Variants in FBLN5 observed in about 807,000 individuals in gnomAD.
The protein encoded by FBLN5 is fibulin-5.
FBLN5 carries 24 observed loss-of-function variants against 61.6 expected under a neutral mutation model. That is an observed-to-expected ratio of 0.39 (90% CI 0.28 to 0.55). The LOEUF (loss-of-function observed/expected upper bound fraction) is 0.55. FBLN5 is among the 20% of genes least tolerant of loss of function. The pLI is 0.65. For missense variants in FBLN5, 470 were observed against 594.1 expected (o/e 0.79, Z 2.17); for synonymous variants, 213 against 219.8 (o/e 0.97, Z 0.27).
intron 4 of FBLN5, among the ~76,000 whole-genome samples, chr14:91,908,284 A>G (rs1197398169): frequency 6.6e-6 from 1 of 152,170 alleles, no homozygotes; most frequent in African/African-American, 2.4e-5. Flanking sequence ...CTCTCTCATC[A>G]AAGTCACCAA....
intron 3 of FBLN5, among the ~76,000 whole-genome samples, chr14:91,939,506 AT>A (rs1209342426): frequency 1.3e-5 from 2 of 151,788 alleles, no homozygotes; most frequent in African/African-American, 4.8e-5. Context: ...CTCCTGGCTA[AT>A]TTTTTTGTAT....
At chr14:91,918,951 G>A (rs559163108) in intron 4 of FBLN5, among the ~76,000 whole-genome samples, 1 of 152,318 alleles carries the variant, frequency 6.6e-6, no homozygotes, top group African/African-American at 2.4e-5. Flanking sequence ...GAGAAGAGGA[G>A]GTTCCAATGG....
intron 4 of FBLN5, among the ~76,000 whole-genome samples, chr14:91,912,094 G>A (rs1890972567): frequency 6.6e-6 from 1 of 152,230 alleles, no homozygotes; most frequent in Non-Finnish European, 1.5e-5. Flanking sequence ...CTATCTAAAT[G>A]TTATAATGTA....
At chr14:91,898,796 C>CT (rs35840279) in intron 4 of FBLN5, among the ~76,000 whole-genome samples, 5,964 of 84,318 alleles carry the variant, frequency 0.071, 511 homozygotes, top group African/African-American at 0.1. Context: ...TTCATTCATT[C>CT]TTTTTTTTTT....
At chr14:91,903,996 C>G (rs967276809) in intron 4 of FBLN5, among the ~76,000 whole-genome samples, 10 of 152,144 alleles carry the variant, frequency 6.6e-5, no homozygotes, top group Non-Finnish European at 1.3e-4. Flanking sequence ...CCCTAGAACC[C>G]TCAAGGCATG....
rs1292727050 is a variant in FBLN5, at chr14:91,943,109, C to CAGACACCG, written c.18-156_18-149dup. On this transcript the variant is annotated intron_variant, in intron 1 of 10. Coordinates refer to ENST00000342058, the MANE Select transcript of FBLN5 (RefSeq NM_006329.4). The surrounding 1 kb of genome is among the most constrained non-coding windows in gnomAD (Gnocchi z 4.0). ...TGCTCCAGGGAGGTCATGGTGGTTC[C>CAGACACCG]AGACACCGCGACCACCCAAGCAGAA... 2 of 692,814 alleles carry CAGACACCG rather than the reference C, an allele frequency of 2.9e-6. No homozygotes were observed. Among genetic ancestry groups the CAGACACCG allele is most frequent in the Non-Finnish European group, 5.3e-6 (2 of 374,358 alleles). 42.9% of individuals were successfully genotyped at this position (692,814 alleles called of 1,614,324 possible). A position where few individuals can be genotyped will look rare whatever the true frequency, so the allele number is the denominator to read the frequency against.
At chr14:91,928,189 G>T (rs1327828671) in intron 4 of FBLN5, among the ~76,000 whole-genome samples, 1 of 152,248 alleles carries the variant, frequency 6.6e-6, no homozygotes, top group East Asian at 1.9e-4. Flanking sequence ...ACAGAGAAGA[G>T]CCACGTCACC....
intron 10 of FBLN5, chr14:91,874,255 GC>G (rs2139944241): frequency 6.6e-6 from 1 of 152,472 alleles, no homozygotes; most frequent in East Asian, 1.9e-4. Flanking sequence ...CCCCTGGGTA[GC>G]ATTCCCAAGC....
chr14:91,917,282 T>C, intron 4 of FBLN5, among the ~76,000 whole-genome samples: 1 of 152,102 alleles, frequency 6.6e-6, no homozygotes, highest in South Asian at 2.1e-4. Flanking sequence ...CTTTCAGTTA[T>C]GAAAAAACAA....
intron 5 of FBLN5, 109 bp downstream of exon 5, chr14:91,894,841 C>CCA: frequency 1.8e-6 from 1 of 563,072 alleles, no homozygotes; most frequent in Non-Finnish European, 3.1e-6. Flanking sequence ...CCCTCCCTAG[C>CCA]AAAGAAAAGC....
chr14:91,895,209 CT>C lies in FBLN5; in HGVS notation c.380-138del, dbSNP rs571729485. 7,857 of 984,210 alleles carry C rather than the reference CT, an allele frequency of 8.0e-3. 43 individuals carry two copies. Among genetic ancestry groups the C allele is most frequent in the Non-Finnish European group, 0.01 (6,605 of 636,230 alleles). The allele number at this position is 984,210 out of a possible 1,614,324, so 61.0% of individuals were successfully genotyped here. ...GGTTACACCCAAGGAGGTGGCAGTG[CT>C]TCCCCGATGGGCACCTCTAGGAGAC... On this transcript the variant is annotated intron_variant, in intron 4 of 10. Transcript: ENST00000342058.
Position 91,947,133 on chromosome 14 carries a change from C to G in FBLN5, c.17+80G>C. ...ATCCTGACACCGCCTGAATCGCAGCCATAACCATTTTCCACCCATCGGATT... is the reference window on the plus strand; with the variant it reads ...ATCCTGACACCGCCTGAATCGCAGCGATAACCATTTTCCACCCATCGGATT... On this transcript the variant is annotated intron_variant, in intron 1 of 10. Coordinates refer to ENST00000342058, the MANE Select transcript of FBLN5 (RefSeq NM_006329.4). The surrounding 1 kb of genome is among the most constrained non-coding windows in gnomAD (Gnocchi z 4.3). 1 of 1,601,324 alleles carries G rather than the reference C, an allele frequency of 6.2e-7. No homozygotes were observed.
At chr14:91,878,056 A>T (rs1422770720) in intron 9 of FBLN5, 1 of 418,738 alleles carries the variant, frequency 2.4e-6, no homozygotes, top group South Asian at 1.8e-5. Context: ...AAAACAAAAA[A>T]AAAGGAAGAA....
At chr14:91,900,854 G>A (rs1890421464) in intron 4 of FBLN5, among the ~76,000 whole-genome samples, 1 of 152,190 alleles carries the variant, frequency 6.6e-6, no homozygotes, top group Admixed American at 6.5e-5. Flanking sequence ...GAAGAAGGTT[G>A]GTCTCTGCCT....
intron 10 of FBLN5, among the ~76,000 whole-genome samples, chr14:91,872,854 T>TTTCACTGCGTGTAGTGGTTAGAAGCATG (rs1889004156): frequency 6.6e-6 from 1 of 152,168 alleles, no homozygotes; most frequent in Non-Finnish European, 1.5e-5. Flanking sequence ...TCTCACCAGC[T>TTTCACTGCGTGTAGTGGTTAGAAGCATG]TTCACTGCGT....
At position 91,937,044 on chromosome 14, in the gene FBLN5, T is replaced by C; in HGVS notation, c.282A>G (p.Ala94=). ...TTGGAGCTGAGAGTGGTGGGGCAGCTGCTGGGTACGGACCTGAGTAGGGGG... is the reference window on the plus strand; with the variant it reads ...TTGGAGCTGAGAGTGGTGGGGCAGCCGCTGGGTACGGACCTGAGTAGGGGG... The part of the protein sequence containing the change: ...YSTPYSGPYP[A]AAPPLSAPNY... The change falls in exon 4 of 11, where the codon GCA becomes GCG. Residue 94 remains alanine, a synonymous_variant. Coordinates refer to ENST00000342058, the MANE Select transcript of FBLN5 (RefSeq NM_006329.4). The C allele has an allele frequency of 1.2e-6, 2 of 1,614,110 alleles. No homozygotes were observed. The highest frequency in any genetic ancestry group is 3.3e-5 in the Admixed American group (2 of 60,012).
intron 9 of FBLN5, among the ~76,000 whole-genome samples, chr14:91,879,892 G>A (rs1889340540): frequency 6.6e-6 from 1 of 152,200 alleles, no homozygotes; most frequent in Admixed American, 6.5e-5. Context: ...GGGGTTTGGT[G>A]TTGCTCAAGG....
chr14:91,878,061 G>GAAGA (rs1566799422), intron 9 of FBLN5: 1 of 414,778 alleles, frequency 2.4e-6, no homozygotes, highest in South Asian at 1.8e-5. Flanking sequence ...AAAAAAAAAG[G>GAAGA]AAGAAAGAAA....
At chr14:91,913,392 A>G (rs1169180383) in intron 4 of FBLN5, among the ~76,000 whole-genome samples, 1 of 152,220 alleles carries the variant, frequency 6.6e-6, no homozygotes, top group Non-Finnish European at 1.5e-5. Context: ...TCTGGGTCAT[A>G]TAAGAAATAA....
Sources: gnomAD v4.1 joint callset for allele counts (sites outside exome capture counted in the v4.1 genomes callset) on GRCh38, gnomAD v4.1.1 for gene constraint, Gnocchi (gnomAD v3.1) non-coding constraint, MANE v1.5 for transcripts, NCBI Gene and HGNC (gene_info 2026-07-23, HGNC 2026-07-21) for gene names.